The following AGMO variants were observed in gnomAD, a reference collection of about 807,000 sequenced individuals.
The protein encoded by AGMO is alkylglycerol monooxygenase, also known as glyceryl-ether monooxygenase.
AGMO carries 75 observed loss-of-function variants against 60.2 expected under a neutral mutation model. The observed-to-expected ratio is 1.25, with a 90% CI of 1.03 to 1.51. The LOEUF is 1.51. Among genes scored for constraint, AGMO ranks in the 40% most tolerant of loss-of-function variants. The pLI is 0.00. For synonymous variants in AGMO, 261 were observed against 177.1 expected (o/e 1.47, Z -3.76); for missense variants, 763 against 525.5 (o/e 1.45, Z -4.42).
chr7:15,217,116 T>C (rs936612644), intron 12 of AGMO, among the ~76,000 whole-genome samples: 1 of 152,086 alleles, frequency 6.6e-6, no homozygotes, highest in African/African-American at 2.4e-5. Context: ...GTTGTGATGT[T>C]GCAATTGAGC....
chr7:15,534,360 T>G (rs1177392287), intron 3 of AGMO, among the ~76,000 whole-genome samples: 1 of 151,934 alleles, frequency 6.6e-6, no homozygotes, highest in Non-Finnish European at 1.5e-5. Flanking sequence ...CTTCAAGTGT[T>G]GAAAGAAAAA....
At chr7:15,263,926 G>A (rs541839894) in intron 12 of AGMO, among the ~76,000 whole-genome samples, 89 of 152,118 alleles carry the variant, frequency 5.9e-4, no homozygotes, top group South Asian at 3.3e-3. Context: ...TAGGTGGGGC[G>A]TGGTGAGGGA....
chr7:15,153,561 G>T, the AGMO span, among the ~76,000 whole-genome samples: 1 of 152,054 alleles, frequency 6.6e-6, no homozygotes, highest in Non-Finnish European at 1.5e-5. Flanking sequence ...TCTGCATGTG[G>T]CTTGTCAATT....
At chr7:15,255,398 G>A (rs761865000) in intron 12 of AGMO, among the ~76,000 whole-genome samples, 4 of 151,856 alleles carry the variant, frequency 2.6e-5, no homozygotes, top group Admixed American at 6.6e-5. Context: ...TTTCGCTGCC[G>A]AATTGTACAA....
chr7:15,472,468 A>C (rs1330200193), intron 3 of AGMO, among the ~76,000 whole-genome samples: 2 of 151,918 alleles, frequency 1.3e-5, no homozygotes, highest in Non-Finnish European at 2.9e-5. Flanking sequence ...CACATAGAAC[A>C]ACTCTGGAAT....
At chr7:15,298,971 C>T (rs1326230297) in intron 12 of AGMO, among the ~76,000 whole-genome samples, 1 of 152,090 alleles carries the variant, frequency 6.6e-6, no homozygotes, top group Non-Finnish European at 1.5e-5. Context: ...CATGTCTGTT[C>T]TCGTTATTGT....
intron 12 of AGMO, among the ~76,000 whole-genome samples, chr7:15,266,722 T>C (rs1206568711): frequency 1.3e-5 from 2 of 151,822 alleles, no homozygotes; most frequent in African/African-American, 4.8e-5. Flanking sequence ...GATATAAACA[T>C]TACAAATAAA....
At chr7:15,526,161 C>T (rs1241634587) in intron 3 of AGMO, among the ~76,000 whole-genome samples, 1 of 152,260 alleles carries the variant, frequency 6.6e-6, no homozygotes, top group Middle Eastern at 3.4e-3. Flanking sequence ...TCTCCTGCAG[C>T]GAACCCGGGT....
At chr7:15,395,897 G>A (rs991322284) in intron 5 of AGMO, 3 of 152,118 alleles carry the variant, frequency 2.0e-5, no homozygotes, top group African/African-American at 4.8e-5. Flanking sequence ...CATGTGAATA[G>A]GTGGGGTGAC....
chr7:15,138,344 C>T, the AGMO span, among the ~76,000 whole-genome samples: 1 of 152,180 alleles, frequency 6.6e-6, no homozygotes, highest in African/African-American at 2.4e-5. Flanking sequence ...TTTACTCTCT[C>T]CTGGATGATT....
chr7:15,262,240 C>G (rs1783294566), intron 12 of AGMO, among the ~76,000 whole-genome samples: 1 of 152,052 alleles, frequency 6.6e-6, no homozygotes. Flanking sequence ...CCTAAAGACT[C>G]ATCCAAAAAG....
chr7:15,206,854 A>C (rs1470192553), intron 12 of AGMO, among the ~76,000 whole-genome samples: 3 of 152,178 alleles, frequency 2.0e-5, no homozygotes, highest in African/African-American at 7.2e-5. Context: ...AACTCCGAAA[A>C]TGGAAACATC....
chr7:15,359,698 T>C (rs1411257899), intron 12 of AGMO, among the ~76,000 whole-genome samples: 1 of 152,214 alleles, frequency 6.6e-6, no homozygotes, highest in East Asian at 1.9e-4. Context: ...CCTGGTTCAT[T>C]TCTCACTAAG....
the AGMO span, among the ~76,000 whole-genome samples, chr7:15,151,664 G>A: frequency 1.6e-4 from 24 of 152,234 alleles, no homozygotes; most frequent in African/African-American, 5.8e-4. Flanking sequence ...GTCGTGATGT[G>A]AGAGTGTGAT....
chr7:15,418,343 A>G (rs984376943), intron 5 of AGMO, among the ~76,000 whole-genome samples: 10 of 152,052 alleles, frequency 6.6e-5, no homozygotes, highest in Admixed American at 1.3e-4. Flanking sequence ...AGTTCAAAAA[A>G]TTGTTTTATT....
At position 15,341,935 on chromosome 7, in the gene AGMO, T is replaced by A. The variant is rs116444734; in HGVS notation, c.1263+23579A>T. ...TGGGAAAATCTGCTCTATGATTCAATTATCTCTCACCGAGTCCCTCCCATG... is the reference window on the plus strand; with the variant it reads ...TGGGAAAATCTGCTCTATGATTCAAATATCTCTCACCGAGTCCCTCCCATG... On this transcript the variant is annotated intron_variant, in intron 12 of 12. Transcript: ENST00000342526. Among the ~76,000 whole-genome samples, 98 of 152,024 alleles carry A rather than the reference T, an allele frequency of 6.4e-4. 1 individual carries two copies. Among genetic ancestry groups the A allele is most frequent in the African/African-American group, 2.3e-3 (96 of 41,444 alleles).
At chr7:15,330,002 ATAAC>A (rs1049441789) in intron 12 of AGMO, among the ~76,000 whole-genome samples, 17 of 152,332 alleles carry the variant, frequency 1.1e-4, no homozygotes, top group East Asian at 3.9e-4. Flanking sequence ...GAAGGAAAAA[ATAAC>A]TAATTTATAG....
intron 5 of AGMO, among the ~76,000 whole-genome samples, chr7:15,410,957 T>G (rs1284143527): frequency 6.6e-6 from 1 of 152,000 alleles, no homozygotes; most frequent in African/African-American, 2.4e-5. Flanking sequence ...CCTCTGAAAC[T>G]CATATTGAAA....
At chr7:15,361,509 C>T (rs1187307224) in intron 12 of AGMO, among the ~76,000 whole-genome samples, 10 of 120,264 alleles carry the variant, frequency 8.3e-5, no homozygotes, top group African/African-American at 3.4e-4. Context: ...CACTGTGCTC[C>T]AGCCTGGGCA....
Sources: allele counts gnomAD v4.1 joint callset (sites outside exome capture counted in the v4.1 genomes callset), GRCh38; gene constraint gnomAD v4.1.1; transcripts MANE v1.5; gene names NCBI Gene and HGNC (gene_info 2026-07-23, HGNC 2026-07-21).